Variants in DPP10 observed in about 807,000 individuals in gnomAD.
DPP10 encodes inactive dipeptidyl peptidase 10.
A neutral mutation model predicts 120.9 loss-of-function variants in DPP10; 33 were observed. The observed-to-expected ratio is 0.27, with a 90% CI of 0.21 to 0.37. The LOEUF (loss-of-function observed/expected upper bound fraction) is 0.37. DPP10 is among the 10% of genes least tolerant of loss of function. The pLI is 1.00. For missense variants in DPP10, 816 were observed against 942.8 expected (o/e 0.87, Z 1.76); for synonymous variants, 337 against 326.1 (o/e 1.03, Z -0.36).
intron 3 of DPP10, among the ~76,000 whole-genome samples, chr2:115,407,553 G>C (rs897346638): frequency 2.0e-5 from 3 of 152,082 alleles, no homozygotes; most frequent in African/African-American, 7.2e-5. Context: ...AGGAGAGAAG[G>C]GACAAACCAG....
intron 1 of DPP10, among the ~76,000 whole-genome samples, chr2:114,669,911 A>G (rs944429464): frequency 4.6e-5 from 7 of 152,154 alleles, no homozygotes; most frequent in Non-Finnish European, 1.0e-4. Flanking sequence ...CAAAAGACAC[A>G]TGAAAAAATG....
At chr2:114,578,983 G>T (rs764272800) in intron 1 of DPP10, among the ~76,000 whole-genome samples, 3 of 151,868 alleles carry the variant, frequency 2.0e-5, no homozygotes, top group Admixed American at 1.3e-4. Context: ...TTGACCTTTC[G>T]TCATACTCTC....
chr2:115,628,362 T>C (rs1480495397), intron 5 of DPP10, among the ~76,000 whole-genome samples: 5 of 152,106 alleles, frequency 3.3e-5, no homozygotes, highest in Non-Finnish European at 7.4e-5. Flanking sequence ...TTTAATGGTG[T>C]TGTTTGTTTT....
At chr2:115,760,630 T>C (rs1419745462) in intron 11 of DPP10, among the ~76,000 whole-genome samples, 3 of 152,202 alleles carry the variant, frequency 2.0e-5, no homozygotes, top group Admixed American at 6.5e-5. Flanking sequence ...ATGAGCATAG[T>C]CGTGGAAATG....
At chr2:115,323,544 C>G (rs1321272917) in intron 2 of DPP10, among the ~76,000 whole-genome samples, 1 of 152,096 alleles carries the variant, frequency 6.6e-6, no homozygotes, top group African/African-American at 2.4e-5. Flanking sequence ...GAATTATTTC[C>G]AGAAGATTTT....
chr2:114,773,927 G>C (rs975346849), intron 1 of DPP10, among the ~76,000 whole-genome samples: 9 of 151,720 alleles, frequency 5.9e-5, no homozygotes, highest in African/African-American at 2.2e-4. Flanking sequence ...ATATCAAAAA[G>C]TATATATTTA....
chr2:114,695,657 TC>T (rs2105789737), intron 1 of DPP10, among the ~76,000 whole-genome samples: 1 of 152,210 alleles, frequency 6.6e-6, no homozygotes, highest in East Asian at 1.9e-4. Context: ...TTGAAGCAAT[TC>T]CCTTTTATCT....
chr2:115,570,435 AGG>A (rs1485933274), intron 5 of DPP10, among the ~76,000 whole-genome samples: 2 of 152,216 alleles, frequency 1.3e-5, no homozygotes, highest in Non-Finnish European at 2.9e-5. Context: ...TACTTCATTA[AGG>A]GTAAAATATA....
chr2:114,736,876 G>T (rs1257207525), intron 1 of DPP10, among the ~76,000 whole-genome samples: 3 of 152,146 alleles, frequency 2.0e-5, no homozygotes, highest in Non-Finnish European at 2.9e-5. Flanking sequence ...GTAACCCTAG[G>T]CTTGCTAGCT....
chr2:115,842,394 C>T lies in DPP10; in HGVS notation c.*49C>T, dbSNP rs550199130. 1 of 1,576,828 alleles carries T rather than the reference C, an allele frequency of 6.3e-7. No homozygotes were observed. Among genetic ancestry groups the T allele is most frequent in the South Asian group, 1.1e-5 (1 of 87,120 alleles). On this transcript the variant is annotated 3_prime_UTR_variant, in exon 26 of 26. Transcript: ENST00000410059. ...AAGGGAATATTGAGGCTCAATGAAA[C>T]CTGACAAAGAGACTGTAATATTGTA... is the stretch of plus-strand genomic sequence containing the variant.
rs576483053 is a variant in DPP10 at position 115,229,897 on chromosome 2, A to C, written c.61-79342A>C. Among the ~76,000 whole-genome samples, 38 of 143,746 alleles carry C rather than the reference A, an allele frequency of 2.6e-4. No homozygotes were observed. The South Asian group carries it at 6.1e-3, about 23-fold the overall frequency. 94.3% of individuals were successfully genotyped at this position (143,746 alleles called of 152,430 possible). On this transcript the variant is annotated intron_variant, in intron 1 of 25. Coordinates refer to ENST00000410059, the MANE Select transcript of DPP10 (RefSeq NM_020868.6). ...TTTTTGGCTTAGGATAGCTTTGGCT[A>C]TTCTGGGTCTTTTGTGATTCCACGT...
At chr2:114,542,974 T>G (rs1174821298) in intron 1 of DPP10, among the ~76,000 whole-genome samples, 2 of 152,168 alleles carry the variant, frequency 1.3e-5, no homozygotes, top group Non-Finnish European at 2.9e-5. Flanking sequence ...AAATAAGCCC[T>G]GGGTTTGCTC....
rs150979599 is a variant in DPP10, at chr2:115,401,261, A to T, written c.271+57349A>T. ...AACAAAGCCTTTGAGTACATCCTCTATCCAAATAACTGGGTGATCACTAAA... is the reference window on the plus strand; with the variant it reads ...AACAAAGCCTTTGAGTACATCCTCTTTCCAAATAACTGGGTGATCACTAAA... On this transcript the variant is annotated intron_variant, in intron 3 of 25. Coordinates refer to ENST00000410059, the MANE Select transcript of DPP10 (RefSeq NM_020868.6). Among the ~76,000 whole-genome samples the T allele has an allele frequency of 3.7e-4, 57 of 152,248 alleles. No homozygotes were observed. In the East Asian group the frequency reaches 7.6e-3, roughly 20 times the overall value.
rs554073172 is a variant in DPP10 at position 114,914,342 on chromosome 2, T to C, written c.61-394897T>C. 1.4e-4 allele frequency among the ~76,000 whole-genome samples: 22 copies of C among 152,328 alleles called. No individual in the cohort carries two copies. The South Asian group carries it at 4.6e-3, about 32-fold the overall frequency. On this transcript the variant is annotated intron_variant, in intron 1 of 25. Coordinates refer to ENST00000410059, the MANE Select transcript of DPP10 (RefSeq NM_020868.6). ...CAGATCACGTACAAAGGGAACCCTA[T>C]CAAGCTAACAGCAGATATTTTAGCA...
chr2:115,652,505 T>C (rs973651106), intron 5 of DPP10, among the ~76,000 whole-genome samples: 3 of 151,436 alleles, frequency 2.0e-5, no homozygotes, highest in Non-Finnish European at 4.4e-5. Context: ...TAGATAGATA[T>C]AGGAATTAGC....
At chr2:115,452,089 G>T (rs1311108509) in intron 3 of DPP10, among the ~76,000 whole-genome samples, 1 of 151,856 alleles carries the variant, frequency 6.6e-6, no homozygotes, top group African/African-American at 2.4e-5. Context: ...AGCAGAACTA[G>T]AACAGATTTT....
At chr2:115,021,763 C>A (rs1331406033) in intron 1 of DPP10, among the ~76,000 whole-genome samples, 1 of 151,922 alleles carries the variant, frequency 6.6e-6, no homozygotes, top group Non-Finnish European at 1.5e-5. Context: ...TGCAAAAATC[C>A]TCAAAAAATT....
chr2:115,640,823 A>T (rs866770509), intron 5 of DPP10, among the ~76,000 whole-genome samples: 1 of 152,182 alleles, frequency 6.6e-6, no homozygotes, highest in Non-Finnish European at 1.5e-5. Context: ...TATGTGAAAG[A>T]TGTTTCTGCA....
At chr2:115,620,395 A>G (rs1251170454) in intron 5 of DPP10, among the ~76,000 whole-genome samples, 1 of 152,260 alleles carries the variant, frequency 6.6e-6, no homozygotes, top group Admixed American at 6.5e-5. Flanking sequence ...TAAGATTGGT[A>G]TAACATTAGT....
Sources: allele counts gnomAD v4.1 joint callset (sites outside exome capture counted in the v4.1 genomes callset), GRCh38; gene constraint gnomAD v4.1.1; transcripts MANE v1.5; gene names NCBI Gene and HGNC (gene_info 2026-07-23, HGNC 2026-07-21).